The following MAP4K4 variants were observed in gnomAD, a reference collection of about 807,000 sequenced individuals.
MAP4K4 encodes the protein HPK/GCK-like kinase HGK.
In MAP4K4, 38 loss-of-function variants were observed where a neutral mutation model predicts 189.6. The ratio of observed to expected loss-of-function variants is 0.20; its 90% CI spans 0.15 to 0.26. The LOEUF (loss-of-function observed/expected upper bound fraction) is 0.26, where lower values mean the gene tolerates loss of function less well. Among genes scored for constraint, MAP4K4 ranks in the 10% least tolerant of loss-of-function variants. MAP4K4 has a pLI of 1.00. For synonymous variants in MAP4K4, 610 were observed against 624.3 expected, an observed-to-expected ratio of 0.98 and a Z score of 0.34; for missense variants, 1,054 against 1,726.9, an observed-to-expected ratio of 0.61 and a Z score of 6.91.
chr2:101,785,722 CTCTCTCTCTCTCTCTCT>C, intron 2 of MAP4K4, among the ~76,000 whole-genome samples: 1 of 8,414 alleles, frequency 1.2e-4, no homozygotes, highest in Non-Finnish European at 1.9e-4. Context: ...CTCTCTCTCT[CTCTCTCTCTCTCTCTCT>C]CTCTCTCTCT....
At chr2:101,769,654 G>A (rs971133385) in intron 2 of MAP4K4, among the ~76,000 whole-genome samples, 3 of 151,902 alleles carry the variant, frequency 2.0e-5, no homozygotes, top group Admixed American at 6.6e-5. Flanking sequence ...TGCGATCTTG[G>A]CTCACTGCAA....
chr2:101,800,700 G>GTTTTT (rs1307792391), intron 3 of MAP4K4, among the ~76,000 whole-genome samples: 1 of 151,982 alleles, frequency 6.6e-6, no homozygotes, highest in African/African-American at 2.4e-5. Flanking sequence ...TTTTGTTTTT[G>GTTTTT]TTTTTAATGC....
At chr2:101,802,020 G>A (rs1472705795) in intron 3 of MAP4K4, among the ~76,000 whole-genome samples, 1 of 152,178 alleles carries the variant, frequency 6.6e-6, no homozygotes, top group Non-Finnish European at 1.5e-5. Context: ...TATGTCATTT[G>A]TGTCAGAATA....
At chr2:101,877,172 A>G (rs774833927) in intron 27 of MAP4K4, 26 bp downstream of exon 27, 14 of 1,611,796 alleles carry the variant, frequency 8.7e-6, no homozygotes, top group Non-Finnish European at 1.2e-5. Flanking sequence ...GTAAACCAGA[A>G]TATGTGACAC....
At chr2:101,821,567 A>G (rs1171132154) in intron 3 of MAP4K4, among the ~76,000 whole-genome samples, 1 of 152,260 alleles carries the variant, frequency 6.6e-6, no homozygotes, top group Non-Finnish European at 1.5e-5. Context: ...GTATTTCCGC[A>G]TAGAGCTCTG....
intron 2 of MAP4K4, among the ~76,000 whole-genome samples, chr2:101,760,790 G>A (rs1326977529): frequency 6.6e-6 from 1 of 152,130 alleles, no homozygotes; most frequent in Non-Finnish European, 1.5e-5. Context: ...GATCACCTGA[G>A]GTTGGGAGTT....
intron 4 of MAP4K4, among the ~76,000 whole-genome samples, chr2:101,824,543 T>C (rs981247113): frequency 6.6e-6 from 1 of 152,194 alleles, no homozygotes; most frequent in Admixed American, 6.5e-5. Flanking sequence ...ACCTTACCTC[T>C]TTTTGAACAC....
chr2:101,761,550 CTTTTTTT>C lies in MAP4K4; in HGVS notation c.124-29159_124-29153del, dbSNP rs1006689878. Reference sequence around the variant, plus strand: ...CAGTTATGGGGAGTATGGGAGCATTCTTTTTTTTTTTTTTTTTCTTTTGAGACGAAGT... The same window carrying C: ...CAGTTATGGGGAGTATGGGAGCATTCTTTTTTTTTTCTTTTGAGACGAAGT... On this transcript the variant is annotated intron_variant, in intron 2 of 32. Transcript: ENST00000324219. Among the ~76,000 whole-genome samples the C allele has an allele frequency of 8.9e-3, 1,135 of 127,008 alleles. 13 individuals carry two copies. Among genetic ancestry groups the C allele is most frequent in the African/African-American group, 0.031 (1,073 of 35,028 alleles). The allele number at this position is 127,008 out of a possible 152,430, so 83.3% of individuals were successfully genotyped here. A position where few individuals can be genotyped will look rare whatever the true frequency, so the allele number is the denominator to read the frequency against.
At chr2:101,728,852 T>C (rs2056928497) in intron 2 of MAP4K4, among the ~76,000 whole-genome samples, 1 of 152,192 alleles carries the variant, frequency 6.6e-6, no homozygotes, top group African/African-American at 2.4e-5. Flanking sequence ...GCAACATGTT[T>C]GGAGACTAGC....
intron 2 of MAP4K4, among the ~76,000 whole-genome samples, chr2:101,720,761 T>A (rs2051413413): frequency 6.6e-6 from 1 of 152,238 alleles, no homozygotes; most frequent in Admixed American, 6.5e-5. Context: ...AGTTAAGTAA[T>A]CTTTTGTTAC....
At chr2:101,840,140 G>T in intron 10 of MAP4K4, 146 bp downstream of exon 10, 2 of 714,738 alleles carry the variant, frequency 2.8e-6, no homozygotes, top group Non-Finnish European at 2.1e-6. Context: ...CAGTGCTTAG[G>T]CCTGGGGTCC....
chr2:101,869,713 C>G, exon 22 of MAP4K4: 3 of 1,600,048 alleles, frequency 1.9e-6, no homozygotes, highest in South Asian at 1.1e-5. Flanking sequence ...AGTGAGGAGT[C>G]GGGGACGACG....
At chr2:101,858,925 G>A (rs779153970) in intron 13 of MAP4K4, 71 bp from the exon 14 acceptor site, 5 of 1,075,732 alleles carry the variant, frequency 4.6e-6, no homozygotes, top group Non-Finnish European at 7.1e-6. Flanking sequence ...ATGGTTCTTG[G>A]TGCTCCATTC....
At chr2:101,832,745 A>G (rs1007672589) in intron 7 of MAP4K4, among the ~76,000 whole-genome samples, 8 of 152,172 alleles carry the variant, frequency 5.3e-5, no homozygotes, top group Non-Finnish European at 7.3e-5. Flanking sequence ...GAACAAGGCA[A>G]TGTATTTGGT....
chr2:101,849,364 A>G (rs957960729), intron 12 of MAP4K4, among the ~76,000 whole-genome samples: 2 of 152,092 alleles, frequency 1.3e-5, no homozygotes, highest in African/African-American at 4.8e-5. Flanking sequence ...CCTGGGCTCA[A>G]GCAATCCACC....
chr2:101,704,178 T>C (rs17809691), intron 2 of MAP4K4, among the ~76,000 whole-genome samples: 37,163 of 151,980 alleles, frequency 0.24, 5,472 homozygotes, highest in Non-Finnish European at 0.31. Flanking sequence ...GATGTTTTCA[T>C]TAGGAGGAGA....
chr2:101,891,278 T>G, exon 33 of MAP4K4: 2 of 1,577,994 alleles, frequency 1.3e-6, no homozygotes, highest in Non-Finnish European at 1.7e-6. Context: ...ATTACTGGCC[T>G]CCAGAGTCTT....
chr2:101,796,851 T>G (rs371968553), intron 3 of MAP4K4, among the ~76,000 whole-genome samples: 4 of 152,276 alleles, frequency 2.6e-5, no homozygotes, highest in Non-Finnish European at 5.9e-5. Flanking sequence ...CATGGATATG[T>G]GGAAGTAAAA....
At position 101,746,382 on chromosome 2, in the gene MAP4K4, T is replaced by TA. The variant is rs542220006; in HGVS notation, c.124-44337dup. Among the ~76,000 whole-genome samples the TA allele has an allele frequency of 1.1e-4, 16 of 152,098 alleles. 1 individual carries two copies. The East Asian group carries it at 3.1e-3, about 29-fold the overall frequency. ...GTTTTTATTGGCTTAGGGCACCTGT[T>TA]ACTGAGAAACTTAATTTTTTCATGT... On this transcript the variant is annotated intron_variant, in intron 2 of 32. Coordinates refer to ENST00000324219, the Ensembl canonical transcript of MAP4K4.
Sources: allele counts gnomAD v4.1 joint callset (sites outside exome capture counted in the v4.1 genomes callset), GRCh38; gene constraint gnomAD v4.1.1; transcripts MANE v1.5; gene names NCBI Gene and HGNC (gene_info 2026-07-23, HGNC 2026-07-21).